SYNC: variants seen among roughly 807,000 people sequenced by gnomAD.
The protein encoded by SYNC is syncoilin, intermediate filament protein, also known as syncoilin.
A neutral mutation model predicts 49.5 loss-of-function variants in SYNC; 38 were observed. That is an observed-to-expected ratio of 0.77 (90% CI 0.59 to 1.01). SYNC has a LOEUF of 1.01. Among genes scored for constraint, SYNC ranks in the 50% least tolerant of loss-of-function variants. The pLI, the probability that SYNC is intolerant of heterozygous loss-of-function variation, is 0.00. For missense variants in SYNC, 579 were observed against 580.6 expected (o/e 1.00, Z 0.03); for synonymous variants, 201 against 230.8 (o/e 0.87, Z 1.17).
intron 1 of SYNC, among the ~76,000 whole-genome samples, chr1:32,697,167 C>T (rs562179511): frequency 3.3e-5 from 5 of 151,756 alleles, no homozygotes; most frequent in African/African-American, 7.3e-5. Context: ...GTCGGCCAGG[C>T]GTGGTGGCTC....
Position 32,695,439 on chromosome 1 carries a change from GC to G in SYNC, c.658del (p.Ala220LeufsTer16). ...EVQQVHQDILAAYKLHAQAEL... is the reference protein window; with the variant it reads ...EVQQVHQDILXAYKLHAQAEL... ...TGCTTGGGCATGGAGCTTGTAGGCA[GC>G]CAGGATGTCTTGATGGACTTGCTGT... On this transcript the variant is annotated frameshift_variant, in exon 2 of 5. Transcript: ENST00000409190. LOFTEE classifies it high-confidence loss of function. 2 of 1,551,656 alleles carry G rather than the reference GC, an allele frequency of 1.3e-6. No homozygotes were observed. Among genetic ancestry groups the G allele is most frequent in the Middle Eastern group, 1.7e-4 (1 of 5,996 alleles).
At chr1:32,686,486 A>T (rs148818859) in intron 2 of SYNC, among the ~76,000 whole-genome samples, 3 of 152,342 alleles carry the variant, frequency 2.0e-5, no homozygotes, top group African/African-American at 7.2e-5. Context: ...TAGGACAAAG[A>T]CAAAGAAAGG....
chr1:32,690,664 AGTAG>A (rs1251118762), intron 2 of SYNC, among the ~76,000 whole-genome samples: 6 of 149,510 alleles, frequency 4.0e-5, no homozygotes, highest in South Asian at 2.1e-4. Context: ...AAAAAAAAAA[AGTAG>A]AGAGGCAGGC....
In SYNC at chr1:32,679,999, A is replaced by T. The variant is rs982671584; in HGVS notation, c.*1851T>A. 2.6e-6 allele frequency: 3 copies of T among 1,160,832 alleles called. No homozygotes were observed. In the South Asian group the frequency reaches 8.2e-5, roughly 32 times the overall value. 71.9% of individuals were successfully genotyped at this position (1,160,832 alleles called of 1,614,324 possible). ...GTGTGATTATTTTTCTTCTTATGCT[A>T]TATCCCCAAGTTTTTCAGACTCATT... On this transcript the variant is annotated 3_prime_UTR_variant, in exon 5 of 5. Coordinates refer to ENST00000409190, the MANE Select transcript of SYNC (RefSeq NM_030786.3).
At chr1:32,691,034 T>C (rs1034757761) in intron 2 of SYNC, among the ~76,000 whole-genome samples, 2 of 152,084 alleles carry the variant, frequency 1.3e-5, no homozygotes, top group African/African-American at 2.4e-5. Context: ...CTGGCTAACA[T>C]AGTGAAACAC....
At chr1:32,683,873 TCCACCCTCC>T (rs1221169857) in intron 4 of SYNC, 128 bp downstream of exon 4, 5 of 767,692 alleles carry the variant, frequency 6.5e-6, no homozygotes, top group East Asian at 2.6e-5. Context: ...CTCCAGGTGA[TCCACCCTCC>T]TCAGCCTCCC....
At chr1:32,685,015 T>TTTC (rs34609133) in intron 2 of SYNC, 16,747 of 152,068 alleles carry the variant, frequency 0.11, 1,712 homozygotes, top group African/African-American at 0.26. Flanking sequence ...TGCATCCTTT[T>TTTC]TTCTTCTTTA....
chr1:32,689,043 A>G (rs933149375), intron 2 of SYNC, among the ~76,000 whole-genome samples: 7 of 150,662 alleles, frequency 4.6e-5, no homozygotes, highest in Admixed American at 1.3e-4. Context: ...GGTTCAAGCA[A>G]TTCTCCTGCC....
chr1:32,695,228 C>G lies in SYNC; in HGVS notation c.870G>C (p.Gln290His), dbSNP rs1650357302. The change falls in exon 2 of 5, where the codon CAG becomes CAC. Residue 290 changes from glutamine (Q) to histidine (H), a missense_variant. Physicochemically the swap from Gln to His is conservative, Grantham distance 24 (BLOSUM62 0). Transcript: ENST00000409190. The stretch of plus-strand genomic sequence containing the variant: ...TCTGCTTCTGATAGGCATCCCGGAG[C>G]TGGGCCAGTTCCTCTGAGAGCTGGG... The part of the protein sequence containing the change: ...RATQLSEELA[Q>H]LRDAYQKQKE... 1 of 1,553,006 alleles carries G rather than the reference C, an allele frequency of 6.4e-7. No individual in the cohort carries two copies. The highest frequency in any genetic ancestry group is 8.7e-7 in the Non-Finnish European group (1 of 1,147,624).
At chr1:32,690,937 G>A (rs1650130864) in intron 2 of SYNC, among the ~76,000 whole-genome samples, 1 of 151,798 alleles carries the variant, frequency 6.6e-6, no homozygotes, top group African/African-American at 2.4e-5. Flanking sequence ...ACAAACAATT[G>A]GCCGGGCTCA....
At chr1:32,686,429 T>G (rs1488617606) in intron 2 of SYNC, among the ~76,000 whole-genome samples, 1 of 152,216 alleles carries the variant, frequency 6.6e-6, no homozygotes, top group Non-Finnish European at 1.5e-5. Context: ...TGTCTACAGT[T>G]GCCCCAGCAC....
At chr1:32,683,246 CAG>C (rs1487459532) in intron 4 of SYNC, 1 of 113,828 alleles carries the variant, frequency 8.8e-6, no homozygotes, top group African/African-American at 3.4e-5. Flanking sequence ...AGCCTGGCAA[CAG>C]AGCAAGACTC....
At chr1:32,689,702 G>A (rs954348139) in intron 2 of SYNC, among the ~76,000 whole-genome samples, 1 of 151,794 alleles carries the variant, frequency 6.6e-6, no homozygotes, top group Non-Finnish European at 1.5e-5. Context: ...CAGCACTTTG[G>A]GAAGCCGAGG....
At chr1:32,692,743 G>T (rs12562436) in intron 2 of SYNC, among the ~76,000 whole-genome samples, 5,849 of 151,230 alleles carry the variant, frequency 0.039, 231 homozygotes, top group East Asian at 0.12. Context: ...GTGACAGAGC[G>T]AGACTCTGTA....
chr1:32,680,357 G>GTTTTTTTTTTTTTTTT lies in SYNC; in HGVS notation c.*1477_*1492dup, dbSNP rs372285843. 1 of 771,604 alleles carries GTTTTTTTTTTTTTTTT rather than the reference G, an allele frequency of 1.3e-6. No homozygotes were observed. Among genetic ancestry groups the GTTTTTTTTTTTTTTTT allele is most frequent in the Non-Finnish European group, 1.6e-6 (1 of 622,250 alleles). 47.8% of individuals were successfully genotyped at this position (771,604 alleles called of 1,614,324 possible). ...AATGGTGTTTTTTTTTTTGTTGTTG[G>GTTTTTTTTTTTTTTTT]TTTTTTTTTTTTTTTTTTTAACTTG... On this transcript the variant is annotated 3_prime_UTR_variant, in exon 5 of 5. Transcript: ENST00000409190.
At chr1:32,701,174 C>T (rs149209165) in intron 1 of SYNC, among the ~76,000 whole-genome samples, 122 of 152,234 alleles carry the variant, frequency 8.0e-4, no homozygotes, top group Admixed American at 5.3e-3. Context: ...CTCGGCGTCC[C>T]AAAGTGCTGG....
At chr1:32,686,044 T>C (rs1346754668) in intron 2 of SYNC, 1 of 152,198 alleles carries the variant, frequency 6.6e-6, no homozygotes, top group Non-Finnish European at 1.5e-5. Context: ...ACTAGTCACA[T>C]AGGACTCATT....
In SYNC at chr1:32,695,636, G is replaced by A. The variant is rs1254647923; in HGVS notation, c.462C>T (p.Ser154=). Residue 154 remains serine, a synonymous_variant, in exon 2 of 5, where the codon AGC becomes AGT. Transcript: ENST00000409190. The part of the protein sequence containing the change: ...TRAEKSNPEE[S]LRAEQSPSME... ...TGCTGGGGCTCTGCTCGGCTCTGAG[G>A]CTCTCCTCAGGGTTAGATTTCTCCG... 1 of 1,551,598 alleles carries A rather than the reference G, an allele frequency of 6.4e-7. No individual in the cohort carries two copies. The highest frequency in any genetic ancestry group is 8.7e-7 in the Non-Finnish European group (1 of 1,147,022).
chr1:32,681,111 G>C lies in SYNC; in HGVS notation c.*739C>G, dbSNP rs1649406582. The stretch of plus-strand genomic sequence containing the variant: ...GATGCAATAACCAGATAAAATTCCT[G>C]TTTTTTCCCAATCGCTTAGTTTTTT... On this transcript the variant is annotated 3_prime_UTR_variant, in exon 5 of 5. Transcript: ENST00000409190. 1 of 152,624 alleles carries C rather than the reference G, an allele frequency of 6.6e-6. No individual in the cohort carries two copies. Among genetic ancestry groups the C allele is most frequent in the South Asian group, 2.1e-4 (1 of 4,836 alleles). 9.5% of individuals were successfully genotyped at this position (152,624 alleles called of 1,614,324 possible).
Sources: gnomAD v4.1 joint callset for allele counts (sites outside exome capture counted in the v4.1 genomes callset) on GRCh38, gnomAD v4.1.1 for gene constraint, MANE v1.5 for transcripts, NCBI Gene and HGNC (gene_info 2026-07-23, HGNC 2026-07-21) for gene names.